FRYL: variants seen among roughly 807,000 people sequenced by gnomAD.
The protein encoded by FRYL is protein furry homolog-like.
Under a neutral mutation model 351.2 loss-of-function variants are expected in FRYL, and 150 were observed. The observed-to-expected ratio is 0.43, with a 90% CI of 0.37 to 0.49. The LOEUF (loss-of-function observed/expected upper bound fraction) is 0.49. Among genes scored for constraint, FRYL ranks in the 20% least tolerant of loss-of-function variants. The pLI, the probability that FRYL is intolerant of heterozygous loss-of-function variation, is 0.00. For synonymous variants in FRYL, 1,153 were observed against 1,257.1 expected (o/e 0.92, Z 1.75); for missense variants, 3,036 against 3,619.3 (o/e 0.84, Z 4.13).
At position 48,718,512 on chromosome 4, in the gene FRYL, A is replaced by G. The variant is rs140735363; in HGVS notation, c.-383-7814T>C. 2.2e-3 allele frequency among the ~76,000 whole-genome samples: 334 copies of G among 151,770 alleles called. 12 individuals carry two copies. The highest frequency in any genetic ancestry group is 6.2e-3 in the African/African-American group (256 of 41,508). On this transcript the variant is annotated intron_variant, in intron 1 of 63. Transcript: ENST00000358350. ...TACGTTAGTTGTATAAAAGATGAACATAAGTACACTACTATTATTCCATGT... is the reference window on the plus strand; with the variant it reads ...TACGTTAGTTGTATAAAAGATGAACGTAAGTACACTACTATTATTCCATGT...
chr4:48,643,502 A>G (rs1014124460), intron 3 of FRYL, among the ~76,000 whole-genome samples: 2 of 152,196 alleles, frequency 1.3e-5, no homozygotes, highest in Non-Finnish European at 1.5e-5. Flanking sequence ...CAAAGAAAAC[A>G]AATAAAATAT....
chr4:48,685,947 G>T (rs1765113323), intron 2 of FRYL, among the ~76,000 whole-genome samples: 1 of 152,048 alleles, frequency 6.6e-6, no homozygotes, highest in Non-Finnish European at 1.5e-5. Flanking sequence ...GAGAGATGGG[G>T]TTTCACCATG....
rs1262763696 is a variant in FRYL, at chr4:48,539,926, A to C, written c.6393+45T>G. The C allele has an allele frequency of 2.2e-6, 3 of 1,387,188 alleles. No individual in the cohort carries two copies. In the East Asian group the frequency reaches 6.9e-5, roughly 32 times the overall value. The allele number at this position is 1,387,188 out of a possible 1,614,324, so 85.9% of individuals were successfully genotyped here. A position where few individuals can be genotyped will look rare whatever the true frequency, so the allele number is the denominator to read the frequency against. Reference sequence around the variant, plus strand: ...CCCCCTCCTTTAACATAGACTACAAAATAATTTCCCTATAGTGTTACCTTT... The same window carrying C: ...CCCCCTCCTTTAACATAGACTACAACATAATTTCCCTATAGTGTTACCTTT... On this transcript the variant is annotated intron_variant, in intron 47 of 63. Coordinates refer to ENST00000358350, the MANE Select transcript of FRYL (RefSeq NM_015030.2).
chr4:48,607,209 C>T (rs559884797), intron 9 of FRYL, among the ~76,000 whole-genome samples: 3 of 152,224 alleles, frequency 2.0e-5, no homozygotes, highest in South Asian at 4.2e-4. Flanking sequence ...ATCAATTATA[C>T]TTAATTATCC....
intron 2 of FRYL, among the ~76,000 whole-genome samples, chr4:48,704,511 C>A (rs1401176992): frequency 6.6e-6 from 1 of 152,078 alleles, no homozygotes; most frequent in Non-Finnish European, 1.5e-5. Context: ...TTTTAAAAAA[C>A]AACAACAACA....
chr4:48,683,826 G>A (rs1764907049), intron 3 of FRYL, among the ~76,000 whole-genome samples: 3 of 152,150 alleles, frequency 2.0e-5, no homozygotes, highest in Admixed American at 1.3e-4. Context: ...ATGGTAAACT[G>A]CATGCCTTAA....
chr4:48,586,595 T>C (rs1277640970), intron 19 of FRYL, 26 bp downstream of exon 19: 3 of 1,439,606 alleles, frequency 2.1e-6, no homozygotes, highest in Admixed American at 3.4e-5. Context: ...CATAAAACAA[T>C]ATAGCAAACA....
At chr4:48,591,099 T>C (rs564185688) in intron 16 of FRYL, among the ~76,000 whole-genome samples, 1 of 152,232 alleles carries the variant, frequency 6.6e-6, no homozygotes, top group South Asian at 2.1e-4. Flanking sequence ...TCCTCAACTC[T>C]CCTATCCTTC....
intron 3 of FRYL, among the ~76,000 whole-genome samples, chr4:48,661,142 C>G (rs1578597062): frequency 6.6e-6 from 1 of 152,146 alleles, no homozygotes; most frequent in Admixed American, 6.5e-5. Context: ...CACATAAACT[C>G]TTTGTACTAT....
At chr4:48,650,696 A>G (rs959533974) in intron 3 of FRYL, among the ~76,000 whole-genome samples, 2 of 152,198 alleles carry the variant, frequency 1.3e-5, no homozygotes, top group Non-Finnish European at 2.9e-5. Flanking sequence ...CTCCTCCTAC[A>G]GGAGACAGAA....
chr4:48,765,011 A>G (rs1774804926), intron 1 of FRYL, among the ~76,000 whole-genome samples: 1 of 151,940 alleles, frequency 6.6e-6, no homozygotes, highest in Non-Finnish European at 1.5e-5. Context: ...TGCCCAGCTA[A>G]TTTTTGAATT....
At chr4:48,637,924 T>C (rs756850350) in intron 3 of FRYL, 2 of 152,030 alleles carry the variant, frequency 1.3e-5, no homozygotes, top group Non-Finnish European at 1.5e-5. Flanking sequence ...TACAATTAGG[T>C]GTGTTTGAGC....
chr4:48,571,976 C>T, intron 26 of FRYL: 1 of 985,284 alleles, frequency 1.0e-6, no homozygotes. Context: ...AGCACTGTAA[C>T]CAAACTGATC....
At chr4:48,779,011 T>C (rs77551804) in intron 1 of FRYL, among the ~76,000 whole-genome samples, 23 of 82,912 alleles carry the variant, frequency 2.8e-4, no homozygotes, top group Admixed American at 4.9e-4. Flanking sequence ...CCCCACCCCC[T>C]TTTTTTTCTT....
chr4:48,627,991 G>A (rs1213508350), intron 4 of FRYL, among the ~76,000 whole-genome samples: 7 of 152,082 alleles, frequency 4.6e-5, no homozygotes, highest in East Asian at 1.9e-4. Context: ...GGCTGGTCTC[G>A]AATGCCTGAC....
At chr4:48,522,836 TAAG>T in intron 54 of FRYL, 62 bp downstream of exon 54, 2 of 1,164,548 alleles carry the variant, frequency 1.7e-6, no homozygotes, top group Non-Finnish European at 1.3e-6. Context: ...AAATAATCAT[TAAG>T]AAGTTGGAAG....
chr4:48,746,184 G>A (rs567789240), intron 1 of FRYL, among the ~76,000 whole-genome samples: 4 of 152,232 alleles, frequency 2.6e-5, no homozygotes, highest in African/African-American at 9.6e-5. Context: ...GTTAGGAGTC[G>A]GCACAGCCCT....
chr4:48,563,873 T>C, intron 31 of FRYL, 75 bp downstream of exon 31: 3 of 1,505,378 alleles, frequency 2.0e-6, no homozygotes. Context: ...TGTCTTCCTA[T>C]TTTTGAATTC....
chr4:48,606,622 A>G lies in FRYL; in HGVS notation c.573-16T>C. ...AGCCTGAAACCTTTAATATACGTGG[A>G]GACATCATTTGATTTGAATTAAAAA... On this transcript the variant is annotated splice_polypyrimidine_tract_variant and intron_variant, in intron 9 of 63. Coordinates refer to ENST00000358350, the MANE Select transcript of FRYL (RefSeq NM_015030.2). The G allele has an allele frequency of 1.3e-6, 2 of 1,566,762 alleles. No individual in the cohort carries two copies. Among genetic ancestry groups the G allele is most frequent in the Non-Finnish European group, 1.7e-6 (2 of 1,150,732 alleles).
Sources: gnomAD v4.1 joint callset for allele counts (sites outside exome capture counted in the v4.1 genomes callset) on GRCh38, gnomAD v4.1.1 for gene constraint, MANE v1.5 for transcripts, NCBI Gene and HGNC (gene_info 2026-07-23, HGNC 2026-07-21) for gene names.